The following PARD3B variants were observed in gnomAD, a reference collection of about 807,000 sequenced individuals.
PARD3B encodes par-3 family cell polarity regulator beta.
PARD3B carries 103 observed loss-of-function variants against 130.2 expected under a neutral mutation model. The observed-to-expected ratio is 0.79, with a 90% CI of 0.67 to 0.93. The LOEUF is 0.93. PARD3B is among the 40% of genes least tolerant of loss of function. The pLI is 0.00. For synonymous variants in PARD3B, 583 were observed against 553.2 expected, an observed-to-expected ratio of 1.05 and a Z score of -0.76; for missense variants, 1,609 against 1,499.2, an observed-to-expected ratio of 1.07 and a Z score of -1.21.
intron 20 of PARD3B, among the ~76,000 whole-genome samples, chr2:205,476,546 T>C (rs1260161950): frequency 6.6e-6 from 1 of 152,168 alleles, no homozygotes; most frequent in Non-Finnish European, 1.5e-5. Context: ...GGTTTGAACA[T>C]GTTTTATATG....
chr2:205,386,662 T>G (rs2541147), intron 18 of PARD3B, among the ~76,000 whole-genome samples: 4,656 of 26,956 alleles, frequency 0.17, 226 homozygotes, highest in African/African-American at 0.38. Flanking sequence ...GTTTTTTTTT[T>G]TTGTTGTTGA....
chr2:205,337,921 G>A (rs542200390), intron 18 of PARD3B, among the ~76,000 whole-genome samples: 9 of 151,862 alleles, frequency 5.9e-5, no homozygotes, highest in East Asian at 1.9e-4. Context: ...AGGCCAAGGC[G>A]GGTGGATCAC....
chr2:205,025,442 G>C (rs1696943896), intron 3 of PARD3B, among the ~76,000 whole-genome samples: 1 of 152,152 alleles, frequency 6.6e-6, no homozygotes, highest in Non-Finnish European at 1.5e-5. Flanking sequence ...TCATGGCTAA[G>C]TTTTATTATC....
intron 3 of PARD3B, among the ~76,000 whole-genome samples, chr2:205,038,775 C>T (rs1173839115): frequency 6.6e-6 from 1 of 152,152 alleles, no homozygotes; most frequent in Non-Finnish European, 1.5e-5. Context: ...GTTGAACAAA[C>T]ATGGTTTTTG....
At chr2:205,469,537 G>T (rs1381782849) in intron 20 of PARD3B, among the ~76,000 whole-genome samples, 2 of 152,140 alleles carry the variant, frequency 1.3e-5, no homozygotes, top group Non-Finnish European at 2.9e-5. Context: ...ACCCCATCCA[G>T]TCTCTGCTTC....
intron 2 of PARD3B, among the ~76,000 whole-genome samples, chr2:204,749,858 TC>T (rs979744050): frequency 2.6e-5 from 4 of 152,246 alleles, no homozygotes; most frequent in African/African-American, 7.2e-5. Flanking sequence ...CTCTGATTTT[TC>T]TTTTTTTAAA....
chr2:205,126,752 CAAAAAAAAAAAA>C (rs4045004), intron 10 of PARD3B, among the ~76,000 whole-genome samples: 14 of 74,454 alleles, frequency 1.9e-4, no homozygotes, highest in South Asian at 5.9e-4. Flanking sequence ...GACTCCGTCT[CAAAAAAAAAAAA>C]AAAAAAAAAA....
At chr2:205,377,891 C>T (rs2045131091) in intron 18 of PARD3B, among the ~76,000 whole-genome samples, 1 of 151,582 alleles carries the variant, frequency 6.6e-6, no homozygotes, top group African/African-American at 2.4e-5. Flanking sequence ...CTGCCTCAGC[C>T]TCCCAAGTAG....
At position 204,545,934 on chromosome 2, in the gene PARD3B, TG is replaced by T. The variant is rs1014970167; in HGVS notation, c.-61del. On this transcript the variant is annotated 5_prime_UTR_variant, in exon 1 of 23. Coordinates refer to ENST00000406610, the MANE Select transcript of PARD3B (RefSeq NM_001302769.2). ...ACCCGCCCCGGGCGTCCTCCGAGAG[TG>T]GGGGCTGCGCCCGCGGGGTCAGACA... The T allele has an allele frequency of 2.1e-6, 3 of 1,414,684 alleles. No individual in the cohort carries two copies. The highest frequency in any genetic ancestry group is 2.8e-6 in the Non-Finnish European group (3 of 1,082,010). The allele number at this position is 1,414,684 out of a possible 1,614,324, so 87.6% of individuals were successfully genotyped here.
At chr2:204,846,446 G>A (rs969170394) in intron 2 of PARD3B, among the ~76,000 whole-genome samples, 2 of 151,892 alleles carry the variant, frequency 1.3e-5, no homozygotes, top group Non-Finnish European at 2.9e-5. Flanking sequence ...AATTGTAATA[G>A]CTAAAATTAA....
chr2:205,289,597 C>T lies in PARD3B; in HGVS notation c.2186-10933C>T, dbSNP rs7567689. On this transcript the variant is annotated intron_variant, in intron 16 of 22. Transcript: ENST00000406610. ...TAAAACTGCTATGGTTGAGTGTGTC[C>T]CCAACAAGTTCATGTGCTGGAAACA... Among the ~76,000 whole-genome samples the T allele has an allele frequency of 3.2e-3, 490 of 152,146 alleles. 1 individual carries two copies. Among genetic ancestry groups the T allele is most frequent in the African/African-American group, 0.011 (472 of 41,504 alleles).
chr2:205,477,051 T>A (rs1180104356), intron 20 of PARD3B, among the ~76,000 whole-genome samples: 1 of 152,236 alleles, frequency 6.6e-6, no homozygotes, highest in Non-Finnish European at 1.5e-5. Context: ...CAAAATTCAG[T>A]AACTACATGT....
chr2:204,881,415 TA>T (rs1164647001), intron 2 of PARD3B, among the ~76,000 whole-genome samples: 11 of 152,226 alleles, frequency 7.2e-5, no homozygotes, highest in African/African-American at 2.7e-4. Flanking sequence ...CTGTGTATTT[TA>T]TACATTATAT....
At chr2:205,553,182 T>C (rs746282874) in intron 21 of PARD3B, 142 bp from the exon 22 acceptor site, 5 of 671,752 alleles carry the variant, frequency 7.4e-6, no homozygotes, top group African/African-American at 1.8e-5. Flanking sequence ...CCTATAGCAA[T>C]GTGGAGTTCT....
chr2:204,819,704 A>G (rs1328812926), intron 2 of PARD3B, among the ~76,000 whole-genome samples: 2 of 152,210 alleles, frequency 1.3e-5, no homozygotes, highest in Non-Finnish European at 2.9e-5. Context: ...AAGTTCTCGA[A>G]GGAAATTAAA....
intron 13 of PARD3B, among the ~76,000 whole-genome samples, chr2:205,177,010 A>AATCTAAT (rs2035512293): frequency 6.6e-6 from 1 of 152,164 alleles, no homozygotes; most frequent in Non-Finnish European, 1.5e-5. Context: ...GAGTATGATA[A>AATCTAAT]ATGGGTGAAT....
At position 205,530,622 on chromosome 2, in the gene PARD3B, A is replaced by T. The variant is rs925814594; in HGVS notation, c.3181-22702A>T. Reference sequence around the variant, plus strand: ...CCCTTCCATCCTGAGGAGCTAGAGAATCCGAGATTCAGAGAGGGGCAAAAT... The same window carrying T: ...CCCTTCCATCCTGAGGAGCTAGAGATTCCGAGATTCAGAGAGGGGCAAAAT... On this transcript the variant is annotated intron_variant, in intron 21 of 22. Transcript: ENST00000406610. This position sits in a 1 kb window ranked among gnomAD's most constrained non-coding sequence, Gnocchi z 4.7. Among the ~76,000 whole-genome samples the T allele has an allele frequency of 2.0e-5, 3 of 152,030 alleles. No individual in the cohort carries two copies. The highest frequency in any genetic ancestry group is 4.4e-5 in the Non-Finnish European group (3 of 68,030).
chr2:205,493,219 T>A (rs889164270), intron 20 of PARD3B, among the ~76,000 whole-genome samples: 5 of 151,990 alleles, frequency 3.3e-5, no homozygotes, highest in African/African-American at 1.2e-4. Flanking sequence ...GAAAAAAAAA[T>A]CTGCCCTGTT....
chr2:205,042,370 A>G (rs1367468546), intron 3 of PARD3B, among the ~76,000 whole-genome samples: 2 of 152,166 alleles, frequency 1.3e-5, no homozygotes, highest in Admixed American at 1.3e-4. Flanking sequence ...TTAAAACCTG[A>G]CAAATCTTGC....
Sources: allele counts gnomAD v4.1 joint callset (sites outside exome capture counted in the v4.1 genomes callset), GRCh38; gene constraint gnomAD v4.1.1; non-coding constraint Gnocchi (gnomAD v3.1); transcripts MANE v1.5; gene names NCBI Gene and HGNC (gene_info 2026-07-23, HGNC 2026-07-21).